UBTF: variants seen among roughly 807,000 people sequenced by gnomAD.
The protein encoded by UBTF is nucleolar transcription factor 1.
A neutral mutation model predicts 112.3 loss-of-function variants in UBTF; 8 were observed. That is an observed-to-expected ratio of 0.07 (90% CI 0.04 to 0.13). The LOEUF (loss-of-function observed/expected upper bound fraction) is 0.13, where lower values mean the gene tolerates loss of function less well. Among genes scored for constraint, UBTF ranks in the 10% least tolerant of loss-of-function variants. UBTF has a pLI of 1.00. For missense variants in UBTF, 457 were observed against 982.1 expected, an observed-to-expected ratio of 0.47 and a Z score of 7.15; for synonymous variants, 417 against 373.1, an observed-to-expected ratio of 1.12 and a Z score of -1.36.
rs372153542 is a variant in UBTF, at chr17:44,210,807, C to T, written c.1344G>A (p.Leu448=). 1.2e-5 allele frequency: 19 copies of T among 1,566,522 alleles called. No homozygotes were observed. In the African/African-American group the frequency reaches 2.6e-4, roughly 21 times the overall value. Reference sequence around the variant, plus strand: ...GCAGCCTGACCTTCTTCTTCTCAGACAGGTCGTTCCACATTCGGGCCAGCA... The same window carrying T: ...GCAGCCTGACCTTCTTCTTCTCAGATAGGTCGTTCCACATTCGGGCCAGCA... ...TRLLARMWND[L]SEKKKAKYKA... is the part of the protein sequence containing the mutation. Residue 448 remains leucine (L), a synonymous_variant, in exon 13 of 21, where the codon CTG becomes CTA. Transcript: ENST00000436088.
At chr17:44,216,413 G>C in intron 3 of UBTF, 116 bp downstream of exon 3, 2 of 1,252,450 alleles carry the variant, frequency 1.6e-6, no homozygotes, top group South Asian at 2.7e-5. Flanking sequence ...GAGCTAACGG[G>C]AGACCACATG....
At chr17:44,215,616 C>T (rs1598260009) in intron 5 of UBTF, 38 bp downstream of exon 5, 1 of 1,609,552 alleles carries the variant, frequency 6.2e-7, no homozygotes, top group Non-Finnish European at 8.5e-7. Flanking sequence ...CTGCTCCCAG[C>T]CTCTCCCCTC....
intron 2 of UBTF, among the ~76,000 whole-genome samples, chr17:44,217,343 G>A (rs74931346): frequency 0.017 from 2,579 of 152,238 alleles, 75 homozygotes; most frequent in African/African-American, 0.058. Context: ...GGCAAGGTAG[G>A]CAGGTGCACA....
At chr17:44,217,530 A>G (rs1251800783) in intron 2 of UBTF, among the ~76,000 whole-genome samples, 3 of 152,208 alleles carry the variant, frequency 2.0e-5, no homozygotes, top group Non-Finnish European at 2.9e-5. Flanking sequence ...ACCCAAGGCC[A>G]GAAGTCAAAA....
chr17:44,220,090 G>C (rs1198201171), upstream of UBTF, among the ~76,000 whole-genome samples: 5 of 147,854 alleles, frequency 3.4e-5, no homozygotes, highest in East Asian at 6.0e-4. Context: ...GGGGAAGGGG[G>C]GGGGGGCCGG....
chr17:44,214,866 CTT>C (rs1169987818), intron 5 of UBTF, among the ~76,000 whole-genome samples: 2 of 152,194 alleles, frequency 1.3e-5, no homozygotes, highest in African/African-American at 2.4e-5. Context: ...CGTGTCTCTT[CTT>C]TGTGTCCTCT....
chr17:44,207,795 G>A lies in UBTF; in HGVS notation c.1954-25C>T, dbSNP rs766253984. Reference sequence around the variant, plus strand: ...TCTGCAGGATGGGGACACAAAGGTGGCAGCCATGAGTTCGACACCCCTGAA... The same window carrying A: ...TCTGCAGGATGGGGACACAAAGGTGACAGCCATGAGTTCGACACCCCTGAA... On this transcript the variant is annotated intron_variant, in intron 18 of 20. Coordinates refer to ENST00000436088, the MANE Select transcript of UBTF (RefSeq NM_014233.4). 3 of 1,614,132 alleles carry A rather than the reference G, an allele frequency of 1.9e-6. No homozygotes were observed. In the South Asian group the frequency reaches 3.3e-5, roughly 18 times the overall value.
upstream of UBTF, among the ~76,000 whole-genome samples, chr17:44,220,123 C>G (rs1356657736): frequency 7.1e-6 from 1 of 140,884 alleles, no homozygotes; most frequent in Non-Finnish European, 1.5e-5. Flanking sequence ...CGCAGCCGCC[C>G]GGATGGCGGC....
chr17:44,216,110 A>G lies in UBTF; in HGVS notation c.235-121T>C, dbSNP rs895216623. 15 of 816,348 alleles carry G rather than the reference A, an allele frequency of 1.8e-5. No homozygotes were observed. The Admixed American group carries it at 3.6e-4, about 19-fold the overall frequency. The allele number at this position is 816,348 out of a possible 1,614,324, so 50.6% of individuals were successfully genotyped here. ...TACTAGACTAAATTTACCAAAGAAGAGCAGAGGCCAACAGCCAAATGAAGC... is the reference window on the plus strand; with the variant it reads ...TACTAGACTAAATTTACCAAAGAAGGGCAGAGGCCAACAGCCAAATGAAGC... On this transcript the variant is annotated intron_variant, in intron 3 of 20. Coordinates refer to ENST00000436088, the MANE Select transcript of UBTF (RefSeq NM_014233.4).
Position 44,212,953 on chromosome 17 carries a change from G to A in UBTF, c.540-14C>T, listed in dbSNP as rs529285755. 344 of 1,613,470 alleles carry A rather than the reference G, an allele frequency of 2.1e-4. 2 individuals carry two copies. In the South Asian group the frequency reaches 2.4e-3, roughly 11 times the overall value. ...GGGTGATCCTCCCTAGCCAGGACAC[G>A]GGGAGCAAGGATCAGCAGGGGACGC... On this transcript the variant is annotated splice_polypyrimidine_tract_variant and intron_variant, in intron 6 of 20. Coordinates refer to ENST00000436088, the MANE Select transcript of UBTF (RefSeq NM_014233.4).
chr17:44,212,146 GTGCCC>G (rs2056725339), intron 8 of UBTF, 140 bp from the exon 9 acceptor site: 4 of 669,056 alleles, frequency 6.0e-6, no homozygotes, highest in East Asian at 7.3e-5. Flanking sequence ...ACGAGACGTG[GTGCCC>G]TGCCCTGCCC....
chr17:44,212,127 T>C (rs2056723519), intron 8 of UBTF, 121 bp from the exon 9 acceptor site: 1 of 993,048 alleles, frequency 1.0e-6, no homozygotes, highest in Non-Finnish European at 1.5e-6. Context: ...TGCGCGTCAG[T>C]GGTGTCACAC....
At chr17:44,219,997 CGGAGGGAAGGAA>C (rs2047094176), upstream of UBTF, among the ~76,000 whole-genome samples, 2 of 139,416 alleles carry the variant, frequency 1.4e-5, no homozygotes, top group African/African-American at 5.4e-5. Context: ...GCGGCCGAGG[CGGAGGGAAGGAA>C]GGAGGGGAGG....
chr17:44,220,591 A>T (rs917259014), upstream of UBTF: 1 of 151,408 alleles, frequency 6.6e-6, no homozygotes, highest in Non-Finnish European at 1.5e-5. Flanking sequence ...CAAGGGAACG[A>T]CGGGCTCCGG....
At chr17:44,220,070 T>TGCC (rs1279664126), upstream of UBTF, among the ~76,000 whole-genome samples, 87 of 92,514 alleles carry the variant, frequency 9.4e-4, no homozygotes, top group Admixed American at 1.7e-3. Context: ...CTGCTGCTGC[T>TGCC]GCCGCCGCCG....
intron 1 of UBTF, 182 bp from the exon 2 acceptor site, chr17:44,218,478 C>G: frequency 2.0e-6 from 1 of 498,508 alleles, no homozygotes; most frequent in South Asian, 2.8e-5. Flanking sequence ...GACCCCCTCC[C>G]CCAGCCCCTG....
In UBTF at chr17:44,213,823, C is replaced by G. The variant is rs150212878; in HGVS notation, c.475-541G>C. Among the ~76,000 whole-genome samples, 57 of 152,278 alleles carry G rather than the reference C, an allele frequency of 3.7e-4. 1 individual carries two copies. The highest frequency in any genetic ancestry group is 1.3e-3 in the African/African-American group (56 of 41,560). Reference sequence around the variant, plus strand: ...CAGAGCGAGTTCTTCCAATACAAGTCTCAGCCAGCTACCCTGCATCTTCCT... The same window carrying G: ...CAGAGCGAGTTCTTCCAATACAAGTGTCAGCCAGCTACCCTGCATCTTCCT... On this transcript the variant is annotated intron_variant, in intron 5 of 20. Coordinates refer to ENST00000436088, the MANE Select transcript of UBTF (RefSeq NM_014233.4).
At chr17:44,213,395 A>T in intron 5 of UBTF, 113 bp from the exon 6 acceptor site, 2 of 1,186,178 alleles carry the variant, frequency 1.7e-6, no homozygotes, top group South Asian at 1.5e-5. Flanking sequence ...GCTGTGATGC[A>T]GGGAGTGGAG....
In UBTF at chr17:44,209,647, G is replaced by A; in HGVS notation, c.1713C>T (p.Pro571=). The A allele has an allele frequency of 6.2e-7, 1 of 1,614,176 alleles. No homozygotes were observed. The highest frequency in any genetic ancestry group is 1.3e-5 in the African/African-American group (1 of 75,046). Residue 571 remains proline, a splice_region_variant and synonymous_variant, in exon 16 of 21, where the codon CCC becomes CCT. Coordinates refer to ENST00000436088, the MANE Select transcript of UBTF (RefSeq NM_014233.4). Reference sequence around the variant, plus strand: ...CAGACTCCAACCCCCAGGCTCACATGGGAGGCTTCTTGGGTTCTCCCTGGA... The same window carrying A: ...CAGACTCCAACCCCCAGGCTCACATAGGAGGCTTCTTGGGTTCTCCCTGGA... The part of the protein sequence containing the change: ...MKFQGEPKKP[P]MNGYQKFSQE...
Sources: allele counts gnomAD v4.1 joint callset (sites outside exome capture counted in the v4.1 genomes callset), GRCh38; gene constraint gnomAD v4.1.1; transcripts MANE v1.5; gene names NCBI Gene and HGNC (gene_info 2026-07-23, HGNC 2026-07-21).